Variants in VPS37A observed in about 807,000 individuals in gnomAD.
The protein encoded by VPS37A is VPS37A subunit of ESCRT-I, also known as vacuolar protein sorting-associated protein 37A.
A neutral mutation model predicts 49.8 loss-of-function variants in VPS37A; 30 were observed. The observed-to-expected ratio is 0.60, with a 90% CI of 0.45 to 0.82. The LOEUF (loss-of-function observed/expected upper bound fraction) is 0.82, where lower values mean the gene tolerates loss of function less well. Ranked by LOEUF, VPS37A falls within the 40% of genes least tolerant of loss-of-function variation. VPS37A has a pLI of 0.00. For synonymous variants in VPS37A, 195 were observed against 160.6 expected (o/e 1.21, Z -1.62); for missense variants, 593 against 464.4 (o/e 1.28, Z -2.55).
At chr8:17,256,191 C>CAGTATATA (rs1158740823) in intron 1 of VPS37A, among the ~76,000 whole-genome samples, 2 of 151,836 alleles carry the variant, frequency 1.3e-5, no homozygotes, top group Admixed American at 1.3e-4. Flanking sequence ...ATTTACATTC[C>CAGTATATA]CACCAGCAGT....
chr8:17,300,819 C>T (rs1269014697), downstream of VPS37A, among the ~76,000 whole-genome samples: 1 of 152,226 alleles, frequency 6.6e-6, no homozygotes, highest in Non-Finnish European at 1.5e-5. Flanking sequence ...ACTTCTATCT[C>T]TATGGATTTG....
the VPS37A span, among the ~76,000 whole-genome samples, chr8:17,316,557 C>T: frequency 6.6e-6 from 1 of 151,922 alleles, no homozygotes; most frequent in East Asian, 1.9e-4. Flanking sequence ...CATAGAGTTC[C>T]TAAGTCTTCA....
At chr8:17,299,996 G>T (rs747312711), downstream of VPS37A, 46 of 1,614,016 alleles carry the variant, frequency 2.9e-5, no homozygotes, top group East Asian at 4.7e-4. Context: ...TTGGCTGACA[G>T]ATCTGGATCT....
chr8:17,311,782 T>G, the VPS37A span: 1 of 1,286,414 alleles, frequency 7.8e-7, no homozygotes, highest in Non-Finnish European at 1.1e-6. Context: ...GGGCCCCCCC[T>G]AATTAGGGCA....
chr8:17,268,191 G>C (rs1813644924), intron 2 of VPS37A, 67 bp from the exon 3 acceptor site: 2 of 1,109,396 alleles, frequency 1.8e-6, no homozygotes, highest in Non-Finnish European at 2.6e-6. Context: ...TTTGTTTTAA[G>C]ATTTTGACCA....
intron 1 of VPS37A, among the ~76,000 whole-genome samples, chr8:17,250,650 TA>T (rs1475272654): frequency 6.6e-6 from 1 of 152,190 alleles, no homozygotes; most frequent in Non-Finnish European, 1.5e-5. Flanking sequence ...TTACAATTTT[TA>T]ACCCCTTATA....
downstream of VPS37A, chr8:17,305,698 T>A: frequency 2.1e-6 from 3 of 1,455,326 alleles, no homozygotes; most frequent in Non-Finnish European, 2.8e-6. Flanking sequence ...CCACCTAAAA[T>A]TCTCAGTCAT....
intron 1 of VPS37A, among the ~76,000 whole-genome samples, chr8:17,251,209 C>G (rs187714304): frequency 6.6e-6 from 1 of 152,114 alleles, no homozygotes; most frequent in African/African-American, 2.4e-5. Context: ...AAGCAGGACT[C>G]TTGGTTAGTG....
chr8:17,327,790 T>C, the VPS37A span, among the ~76,000 whole-genome samples: 1 of 152,218 alleles, frequency 6.6e-6, no homozygotes, highest in Admixed American at 6.5e-5. Flanking sequence ...AAATGGTACT[T>C]TGAGGTTTTA....
intron 1 of VPS37A, chr8:17,247,867 C>A (rs1811466199): frequency 4.5e-6 from 3 of 667,362 alleles, no homozygotes; most frequent in South Asian, 3.3e-5. Context: ...TCACTTATCA[C>A]GTAGTCAGTC....
intron 9 of VPS37A, 143 bp downstream of exon 9, chr8:17,280,586 G>A: frequency 4.3e-6 from 3 of 702,788 alleles, no homozygotes; most frequent in South Asian, 2.4e-5. Context: ...AAACGTGGAT[G>A]AACAGCTCTC....
chr8:17,320,285 A>AAGC, the VPS37A span, among the ~76,000 whole-genome samples: 4 of 152,296 alleles, frequency 2.6e-5, no homozygotes, highest in Admixed American at 2.0e-4. Context: ...GCTGAATCTG[A>AAGC]TCAAAAGTCT....
chr8:17,258,883 C>T (rs1050214593), intron 1 of VPS37A, among the ~76,000 whole-genome samples: 3 of 151,940 alleles, frequency 2.0e-5, no homozygotes, highest in Non-Finnish European at 2.9e-5. Context: ...TTTAGGCTTT[C>T]CAGTTTTTTA....
chr8:17,250,082 A>G (rs904137322), intron 1 of VPS37A, among the ~76,000 whole-genome samples: 1 of 152,176 alleles, frequency 6.6e-6, no homozygotes, highest in African/African-American at 2.4e-5. Context: ...CGGAAGGGAA[A>G]GTGACCTTTC....
the VPS37A span, among the ~76,000 whole-genome samples, chr8:17,310,103 C>G: frequency 6.6e-6 from 1 of 152,110 alleles, no homozygotes; most frequent in Non-Finnish European, 1.5e-5. Context: ...TGAGCTCGAG[C>G]GATCCTCCCA....
At chr8:17,281,795 T>A (rs1815081273) in intron 9 of VPS37A, among the ~76,000 whole-genome samples, 1 of 152,036 alleles carries the variant, frequency 6.6e-6, no homozygotes, top group Admixed American at 6.5e-5. Flanking sequence ...AACAACTCAT[T>A]TACCATAGGA....
At chr8:17,260,274 A>T (rs1370684842) in intron 1 of VPS37A, among the ~76,000 whole-genome samples, 1 of 152,146 alleles carries the variant, frequency 6.6e-6, no homozygotes, top group Non-Finnish European at 1.5e-5. Flanking sequence ...ACATATATGT[A>T]ATAAGTTATT....
At chr8:17,279,205 C>T (rs986596489) in intron 6 of VPS37A, among the ~76,000 whole-genome samples, 4 of 152,090 alleles carry the variant, frequency 2.6e-5, no homozygotes, top group African/African-American at 9.7e-5. Flanking sequence ...CAGTAACTGA[C>T]ATTATACACT....
At chr8:17,322,617 C>T in the VPS37A span, among the ~76,000 whole-genome samples, 57 of 152,028 alleles carry the variant, frequency 3.7e-4, no homozygotes, top group African/African-American at 1.3e-3. Flanking sequence ...CCCAGGAGTT[C>T]AAGATCAACC....
Sources: allele counts gnomAD v4.1 joint callset (sites outside exome capture counted in the v4.1 genomes callset), GRCh38; gene constraint gnomAD v4.1.1; transcripts MANE v1.5; gene names NCBI Gene and HGNC (gene_info 2026-07-23, HGNC 2026-07-21).